The following DLGAP2 variants were observed in gnomAD, a reference collection of about 807,000 sequenced individuals.
DLGAP2 encodes the protein DLG associated protein 2, also known as disks large-associated protein 2.
DLGAP2 carries 26 observed loss-of-function variants against 100.3 expected under a neutral mutation model. That is an observed-to-expected ratio of 0.26 (90% CI 0.19 to 0.36). The LOEUF (loss-of-function observed/expected upper bound fraction) is 0.36. DLGAP2 is among the 10% of genes least tolerant of loss of function. DLGAP2 has a pLI of 1.00. For missense variants in DLGAP2, 1,858 were observed against 1,453.2 expected (o/e 1.28, Z -4.53); for synonymous variants, 886 against 630.1 (o/e 1.41, Z -6.08).
rs530141986 is a variant in DLGAP2 at position 1,632,922 on chromosome 8, G to T, written c.1686G>T (p.Pro562=). The T allele has an allele frequency of 6.2e-7, 1 of 1,613,948 alleles. No homozygotes were observed. The highest frequency in any genetic ancestry group is 8.5e-7 in the Non-Finnish European group (1 of 1,179,876). ...AGGCCATGGATGCCCTCGACCTCCC[G>T]GGATGTTTCCGAACAAGGAGTCACA... ...ESQAMDALDL[P]GCFRTRSHSY... is the part of the protein sequence containing the mutation. The change falls in exon 8 of 15, where the codon CCG becomes CCT. Residue 562 remains proline, a synonymous_variant. Coordinates refer to ENST00000637795, the MANE Select transcript of DLGAP2 (RefSeq NM_001346810.2).
At chr8:1,538,833 C>G (rs568138235) in intron 4 of DLGAP2, among the ~76,000 whole-genome samples, 3 of 151,796 alleles carry the variant, frequency 2.0e-5, no homozygotes, top group Admixed American at 6.5e-5. Context: ...ACAGCACCCT[C>G]AGATCCCCAC....
chr8:1,279,504 C>T (rs1047277577), intron 3 of DLGAP2, among the ~76,000 whole-genome samples: 1 of 152,176 alleles, frequency 6.6e-6, no homozygotes, highest in Non-Finnish European at 1.5e-5. Flanking sequence ...AGGGAAATTG[C>T]AATTCTAGAT....
intron 1 of DLGAP2, among the ~76,000 whole-genome samples, chr8:788,113 C>A (rs1302851566): frequency 6.6e-6 from 1 of 152,198 alleles, no homozygotes; most frequent in Admixed American, 6.5e-5. Context: ...CCAGGAGATC[C>A]TGTGTCATGA....
At chr8:1,138,843 G>T (rs559281279) in intron 2 of DLGAP2, among the ~76,000 whole-genome samples, 1 of 151,754 alleles carries the variant, frequency 6.6e-6, no homozygotes, top group African/African-American at 2.4e-5. Flanking sequence ...TGGCCTGTGC[G>T]GCTGGTGGGA....
chr8:1,200,023 G>A (rs1344692285), intron 2 of DLGAP2, among the ~76,000 whole-genome samples: 1 of 152,086 alleles, frequency 6.6e-6, no homozygotes, highest in Non-Finnish European at 1.5e-5. Context: ...GAAAAGTGTG[G>A]GGAGGCTGGG....
At chr8:857,198 C>T (rs548982544) in intron 1 of DLGAP2, among the ~76,000 whole-genome samples, 4 of 152,340 alleles carry the variant, frequency 2.6e-5, no homozygotes, top group South Asian at 4.1e-4. Flanking sequence ...CCAGACCTTA[C>T]ACCCTTTACA....
intron 1 of DLGAP2, among the ~76,000 whole-genome samples, chr8:829,371 A>G (rs961286055): frequency 6.6e-6 from 1 of 152,192 alleles, no homozygotes; most frequent in Non-Finnish European, 1.5e-5. Flanking sequence ...AAATGCCCCG[A>G]GGTCTCTCTG....
At chr8:1,463,150 G>A (rs1798508320) in intron 3 of DLGAP2, among the ~76,000 whole-genome samples, 1 of 152,198 alleles carries the variant, frequency 6.6e-6, no homozygotes, top group Admixed American at 6.5e-5. Flanking sequence ...TCGGGAGGCT[G>A]AGGCAGGAGA....
At chr8:1,615,120 G>T (rs1446825515) in intron 6 of DLGAP2, among the ~76,000 whole-genome samples, 1 of 152,206 alleles carries the variant, frequency 6.6e-6, no homozygotes, top group Non-Finnish European at 1.5e-5. Flanking sequence ...AAGGGATGGA[G>T]CCATGGAGGG....
At chr8:1,363,275 A>T (rs944919522) in intron 3 of DLGAP2, among the ~76,000 whole-genome samples, 3 of 152,118 alleles carry the variant, frequency 2.0e-5, no homozygotes, top group Non-Finnish European at 2.9e-5. Context: ...CGCCCATGGC[A>T]TGCTTGCGGC....
intron 6 of DLGAP2, among the ~76,000 whole-genome samples, chr8:1,590,005 T>C (rs983184574): frequency 6.6e-6 from 1 of 152,064 alleles, no homozygotes; most frequent in African/African-American, 2.4e-5. Context: ...GAAATCAAGG[T>C]GTGGGCAAGG....
chr8:856,185 C>CTT (rs71223338), intron 1 of DLGAP2, among the ~76,000 whole-genome samples: 6 of 130,556 alleles, frequency 4.6e-5, no homozygotes, highest in South Asian at 2.4e-4. Context: ...TCTTCTTCTT[C>CTT]TTTTTTTTTT....
intron 11 of DLGAP2, 86 bp from the exon 12 acceptor site, chr8:1,678,128 C>A: frequency 6.8e-7 from 1 of 1,471,990 alleles, no homozygotes; most frequent in Non-Finnish European, 9.1e-7. Context: ...AGCTCAGGTG[C>A]GCTCCTGACA....
chr8:785,037 C>T (rs185058373), intron 1 of DLGAP2, among the ~76,000 whole-genome samples: 1 of 151,754 alleles, frequency 6.6e-6, no homozygotes, highest in African/African-American at 2.4e-5. Context: ...GAAACCCCCT[C>T]TCTACTAAAA....
chr8:1,373,276 G>A (rs1187327814), intron 3 of DLGAP2, among the ~76,000 whole-genome samples: 1 of 151,830 alleles, frequency 6.6e-6, no homozygotes. Flanking sequence ...ACGCGCGTGC[G>A]GCCCGGAGGG....
intron 3 of DLGAP2, among the ~76,000 whole-genome samples, chr8:1,310,645 GT>G (rs367757053): frequency 6.6e-6 from 1 of 151,486 alleles, no homozygotes. Context: ...AAAAAGTTGG[GT>G]TTTTTTTTGT....
chr8:1,365,302 A>G (rs1224332009), intron 3 of DLGAP2, among the ~76,000 whole-genome samples: 2 of 152,084 alleles, frequency 1.3e-5, no homozygotes, highest in African/African-American at 2.4e-5. Context: ...TGAGCCTGGG[A>G]TCTCCGCACC....
chr8:1,479,483 C>G (rs970193469), intron 3 of DLGAP2, among the ~76,000 whole-genome samples: 6 of 152,300 alleles, frequency 3.9e-5, no homozygotes, highest in Middle Eastern at 3.4e-3. Flanking sequence ...AAATGGACAT[C>G]TGAAAATTGG....
intron 2 of DLGAP2, among the ~76,000 whole-genome samples, chr8:1,055,115 A>G (rs1195676007): frequency 2.0e-5 from 3 of 152,232 alleles, no homozygotes; most frequent in Non-Finnish European, 2.9e-5. Context: ...AGTGAAATCT[A>G]TGGAATAGAC....
Sources: allele counts gnomAD v4.1 joint callset (sites outside exome capture counted in the v4.1 genomes callset), GRCh38; gene constraint gnomAD v4.1.1; transcripts MANE v1.5; gene names NCBI Gene and HGNC (gene_info 2026-07-23, HGNC 2026-07-21).